DAB2IP: variants seen among roughly 807,000 people sequenced by gnomAD.
The protein encoded by DAB2IP is disabled homolog 2-interacting protein.
Under a neutral mutation model 107.2 loss-of-function variants are expected in DAB2IP, and 28 were observed. That is an observed-to-expected ratio of 0.26 (90% CI 0.19 to 0.36). The LOEUF (loss-of-function observed/expected upper bound fraction) is 0.36, where lower values mean the gene tolerates loss of function less well. Ranked by LOEUF, DAB2IP falls within the 10% of genes least tolerant of loss-of-function variation. The pLI is 1.00. For synonymous variants in DAB2IP, 755 were observed against 706.4 expected, an observed-to-expected ratio of 1.07 and a Z score of -1.09; for missense variants, 1,400 against 1,644.7, an observed-to-expected ratio of 0.85 and a Z score of 2.57.
At chr9:121,581,805 T>C (rs1830199445) in intron 1 of DAB2IP, among the ~76,000 whole-genome samples, 1 of 152,072 alleles carries the variant, frequency 6.6e-6, no homozygotes, top group Non-Finnish European at 1.5e-5. Flanking sequence ...GCAGGAACCA[T>C]GGGAGAGATT....
At chr9:121,749,279 T>G (rs1350708361) in intron 3 of DAB2IP, among the ~76,000 whole-genome samples, 1 of 152,254 alleles carries the variant, frequency 6.6e-6, no homozygotes, top group Non-Finnish European at 1.5e-5. Context: ...GTCCTGCCGT[T>G]TGATTCCCAG....
intron 1 of DAB2IP, among the ~76,000 whole-genome samples, chr9:121,625,391 A>G (rs947645016): frequency 2.0e-5 from 3 of 151,872 alleles, no homozygotes; most frequent in Admixed American, 6.6e-5. Flanking sequence ...GGTGCGCACC[A>G]TCATACCTGG....
In DAB2IP at chr9:121,776,584, A is replaced by C. The variant is rs905334191; in HGVS notation, c.3314+193A>C. Among the ~76,000 whole-genome samples, 1 of 152,164 alleles carries C rather than the reference A, an allele frequency of 6.6e-6. No homozygotes were observed. Among genetic ancestry groups the C allele is most frequent in the Non-Finnish European group, 1.5e-5 (1 of 68,028 alleles). ...GCAGGAGGTGGCCTGGAGGGTGGGC[A>C]GCCCATGCAGAATACAAAGCTGGGG... On this transcript the variant is annotated intron_variant, in intron 14 of 15. Transcript: ENST00000408936. The surrounding 1 kb of genome is among the most constrained non-coding windows in gnomAD (Gnocchi z 5.4).
chr9:121,655,904 C>T (rs549067160), intron 1 of DAB2IP, among the ~76,000 whole-genome samples: 18 of 151,950 alleles, frequency 1.2e-4, no homozygotes, highest in Non-Finnish European at 2.1e-4. Context: ...ATCTTGCCCG[C>T]GTGGTGGGAG....
intron 3 of DAB2IP, among the ~76,000 whole-genome samples, chr9:121,729,378 T>C (rs1831398074): frequency 6.6e-6 from 1 of 152,150 alleles, no homozygotes; most frequent in Non-Finnish European, 1.5e-5. Context: ...GCTGAGACCC[T>C]AGGAGAGAAT....
intron 1 of DAB2IP, among the ~76,000 whole-genome samples, chr9:121,622,644 C>T (rs746351766): frequency 1.3e-5 from 2 of 152,102 alleles, no homozygotes; most frequent in Non-Finnish European, 2.9e-5. Context: ...CTGGGGCTGC[C>T]GGGTGGATTG....
At chr9:121,720,794 C>A (rs1178359263) in intron 3 of DAB2IP, among the ~76,000 whole-genome samples, 1 of 152,182 alleles carries the variant, frequency 6.6e-6, no homozygotes, top group African/African-American at 2.4e-5. Context: ...CCAGCAGGAG[C>A]AGGGGCCTCC....
At chr9:121,718,696 C>T (rs1830751907) in intron 3 of DAB2IP, among the ~76,000 whole-genome samples, 1 of 152,234 alleles carries the variant, frequency 6.6e-6, no homozygotes, top group South Asian at 2.1e-4. Context: ...ATGGGATTTG[C>T]AGCTAAATGC....
At chr9:121,759,780 C>G in intron 5 of DAB2IP, 105 bp from the exon 6 acceptor site, 1 of 1,090,274 alleles carries the variant, frequency 9.2e-7, no homozygotes, top group South Asian at 1.6e-5. Context: ...CCGCCTCCAC[C>G]TTCAGAGCTC....
intron 3 of DAB2IP, among the ~76,000 whole-genome samples, chr9:121,737,043 C>T (rs1002445463): frequency 2.0e-5 from 3 of 152,146 alleles, no homozygotes; most frequent in Non-Finnish European, 2.9e-5. Context: ...GAGGAGGAAC[C>T]AGCCTTGCCC....
chr9:121,784,243 TCA>T (rs1415216191), exon 16 of DAB2IP: 1 of 154,266 alleles, frequency 6.5e-6, no homozygotes, highest in Non-Finnish European at 1.4e-5. Context: ...CCTTCCTGTC[TCA>T]CTCTTCTGTC....
chr9:121,722,413 C>T (rs1171657507), intron 3 of DAB2IP, among the ~76,000 whole-genome samples: 1 of 152,176 alleles, frequency 6.6e-6, no homozygotes, highest in Non-Finnish European at 1.5e-5. Context: ...GCAGTTATGA[C>T]TCCTCCCTTT....
At chr9:121,783,444 T>C in exon 16 of DAB2IP, 3 of 1,611,616 alleles carry the variant, frequency 1.9e-6, no homozygotes, top group Non-Finnish European at 2.5e-6. Context: ...AAAGAAAAGG[T>C]GATCCTTCCT....
rs140533207 is a variant in DAB2IP, at chr9:121,579,931, G to A, written c.40+12703G>A. Among the ~76,000 whole-genome samples, 24 of 152,300 alleles carry A rather than the reference G, an allele frequency of 1.6e-4. No homozygotes were observed. The South Asian group carries it at 2.3e-3, about 14-fold the overall frequency. ...TCACCTTGCCCACTGCACCTGGGTC[G>A]GGGGAAGGAAACCTCAATCTTCCAG... On this transcript the variant is annotated intron_variant, in intron 1 of 16. Transcript: ENST00000259371.
chr9:121,709,326 C>G (rs982250100), intron 3 of DAB2IP, among the ~76,000 whole-genome samples: 2 of 152,156 alleles, frequency 1.3e-5, no homozygotes, highest in African/African-American at 4.8e-5. Flanking sequence ...TCATCCTGCT[C>G]TGTTCATGGC....
intron 3 of DAB2IP, among the ~76,000 whole-genome samples, chr9:121,726,251 A>G (rs1489193589): frequency 6.6e-6 from 1 of 152,242 alleles, no homozygotes; most frequent in East Asian, 1.9e-4. Flanking sequence ...TAAAAACCCA[A>G]AAGGACAAAG....
At chr9:121,728,096 A>G (rs1365245513) in intron 3 of DAB2IP, among the ~76,000 whole-genome samples, 1 of 152,138 alleles carries the variant, frequency 6.6e-6, no homozygotes, top group Non-Finnish European at 1.5e-5. Context: ...AGGGGAGAAT[A>G]TTATGGAATT....
chr9:121,740,262 C>T (rs990612824), intron 3 of DAB2IP, among the ~76,000 whole-genome samples: 9 of 152,118 alleles, frequency 5.9e-5, no homozygotes, highest in Admixed American at 4.6e-4. Context: ...CCGATAGGCC[C>T]CCCACAGTGA....
intron 1 of DAB2IP, among the ~76,000 whole-genome samples, chr9:121,653,224 A>AAGACCTG (rs1564135886): frequency 4.9e-5 from 6 of 121,860 alleles, no homozygotes; most frequent in South Asian, 3.3e-4. Context: ...GGGAGTACTA[A>AAGACCTG]GCCTTTAGTA....
Sources: gnomAD v4.1 joint callset for allele counts (sites outside exome capture counted in the v4.1 genomes callset) on GRCh38, gnomAD v4.1.1 for gene constraint, Gnocchi (gnomAD v3.1) non-coding constraint, MANE v1.5 for transcripts, NCBI Gene and HGNC (gene_info 2026-07-23, HGNC 2026-07-21) for gene names.